Variants in COG8 observed in about 807,000 individuals in gnomAD.
The protein encoded by COG8 is conserved oligomeric Golgi complex subunit 8.
Under a neutral mutation model 46.5 loss-of-function variants are expected in COG8, and 45 were observed. That is an observed-to-expected ratio of 0.97 (90% confidence interval 0.76 to 1.24). The LOEUF (loss-of-function observed/expected upper bound fraction) is 1.24. COG8 is among the 50% of genes most tolerant of loss of function. The probability of loss-of-function intolerance (pLI) is 0.00; values close to 1 mark genes in which losing one functional copy is unlikely to be tolerated. For missense variants in COG8, 793 were observed against 820.8 expected (o/e 0.97, Z 0.41); for synonymous variants, 407 against 347.8 (o/e 1.17, Z -1.90).
chr16:69,335,298 C>T lies in COG8; in HGVS notation c.636G>A (p.Leu212=). ...RQSMQLMLSQ[L]IQQLRTNIQL... is the part of the protein sequence containing the mutation. ...GGATGTTGGTCCTCAGTTGCTGGAT[C>T]AGCTGGCTCAGCATCAGCTGCATGG... Residue 212 remains leucine (L), a synonymous_variant, in exon 3 of 6, where the codon CTG becomes CTA. Transcript: ENST00000306875. The T allele has an allele frequency of 6.2e-7, 1 of 1,610,922 alleles. No individual in the cohort carries two copies. Among genetic ancestry groups the T allele is most frequent in the Non-Finnish European group, 8.5e-7 (1 of 1,179,524 alleles).
Position 69,339,252 on chromosome 16 carries a change from G to A in COG8, c.301C>T (p.His101Tyr), listed in dbSNP as rs756093570. 1.9e-6 allele frequency: 3 copies of A among 1,612,708 alleles called. No individual in the cohort carries two copies. Among genetic ancestry groups the A allele is most frequent in the Non-Finnish European group, 1.7e-6 (2 of 1,179,806 alleles). Residue 101 changes from histidine (H) to tyrosine (Y), a missense_variant, in exon 1 of 6, where the codon CAC becomes TAC. Coordinates refer to ENST00000306875, the MANE Select transcript of COG8 (RefSeq NM_032382.5). ...IRGAECTERI[H>Y]RLFGDVEASL... Reference sequence around the variant, plus strand: ...GCCTCCACGTCGCCAAACAGGCGGTGGATGCGCTCGGTGCACTCGGCGCCG... The same window carrying A: ...GCCTCCACGTCGCCAAACAGGCGGTAGATGCGCTCGGTGCACTCGGCGCCG...
chr16:69,333,858 AAG>A (rs2012036494), intron 3 of COG8, among the ~76,000 whole-genome samples: 1 of 152,240 alleles, frequency 6.6e-6, no homozygotes, highest in Non-Finnish European at 1.5e-5. Context: ...ATAAAAATAA[AAG>A]AATATGCTAA....
chr16:69,334,430 C>T (rs903450063), intron 3 of COG8, 91 bp downstream of exon 3: 32 of 1,126,644 alleles, frequency 2.8e-5, no homozygotes, highest in Non-Finnish European at 4.0e-5. Flanking sequence ...TGTCAGCAGA[C>T]ACCGTCAAAT....
intron 3 of COG8, 66 bp downstream of exon 3, chr16:69,334,455 C>T: frequency 7.1e-7 from 1 of 1,401,582 alleles, no homozygotes; most frequent in Admixed American, 1.8e-5. Context: ...GGGTTTATTA[C>T]AAAAATCTGG....
intron 5 of COG8, chr16:69,330,103 G>C (rs143789731): frequency 1.3e-6 from 2 of 1,582,766 alleles, no homozygotes; most frequent in Non-Finnish European, 1.7e-6. Flanking sequence ...CTCGCAGGCT[G>C]GGGTTCACGA....
At chr16:69,331,188 C>A in intron 4 of COG8, 93 bp from the exon 5 acceptor site, 1 of 1,420,522 alleles carries the variant, frequency 7.0e-7, no homozygotes, top group East Asian at 2.4e-5. Context: ...TGGCTCACGC[C>A]TGTAATCCCA....
At chr16:69,339,105 T>C in intron 1 of COG8, 71 bp downstream of exon 1, 1 of 1,604,608 alleles carries the variant, frequency 6.2e-7, no homozygotes, top group Non-Finnish European at 8.5e-7. Context: ...CTTTATGTGT[T>C]AGTTATTTCT....
Position 69,328,480 on chromosome 16 carries a change from G to A in COG8, c.*726C>T, listed in dbSNP as rs543444807. On this transcript the variant is annotated 3_prime_UTR_variant, in exon 6 of 6. Coordinates refer to ENST00000306875, the MANE Select transcript of COG8 (RefSeq NM_032382.5). ...CAGCAGCAAAATCCTGCCCAAGGCTGTTAAAATGTGTGGGCACTCATTTAC... is the reference window on the plus strand; with the variant it reads ...CAGCAGCAAAATCCTGCCCAAGGCTATTAAAATGTGTGGGCACTCATTTAC... 1.3e-5 allele frequency: 2 copies of A among 154,596 alleles called. No individual in the cohort carries two copies. The highest frequency in any genetic ancestry group is 1.9e-4 in the South Asian group (1 of 5,136). 9.6% of individuals were successfully genotyped at this position (154,596 alleles called of 1,614,324 possible).
At position 69,329,296 on chromosome 16, in the gene COG8, G is replaced by A. The variant is rs150241567; in HGVS notation, c.*27-117C>T. Reference sequence around the variant, plus strand: ...CATTGACAAGAGGCAACAGCAGATGGCAAATGTAGACAGCAGCTCCTCTTC... The same window carrying A: ...CATTGACAAGAGGCAACAGCAGATGACAAATGTAGACAGCAGCTCCTCTTC... On this transcript the variant is annotated intron_variant, in intron 5 of 5. Coordinates refer to ENST00000306875, the MANE Select transcript of COG8 (RefSeq NM_032382.5). 1.3e-4 allele frequency: 147 copies of A among 1,094,858 alleles called. 1 individual carries two copies. The East Asian group carries it at 2.6e-3, about 19-fold the overall frequency. The allele number at this position is 1,094,858 out of a possible 1,614,324, so 67.8% of individuals were successfully genotyped here.
At chr16:69,337,318 A>C (rs939660133) in intron 1 of COG8, among the ~76,000 whole-genome samples, 1 of 151,990 alleles carries the variant, frequency 6.6e-6, no homozygotes, top group African/African-American at 2.4e-5. Context: ...GACCCTCCTC[A>C]TAAGGGTGTA....
intron 1 of COG8, chr16:69,338,134 T>TGGAACAATCATGGCTCACTGCAGC (rs1261387452): frequency 1.3e-5 from 2 of 152,616 alleles, no homozygotes; most frequent in Admixed American, 1.3e-4. Flanking sequence ...TGGAGTGCGG[T>TGGAACAATCATGGCTCACTGCAGC]GGCACAATCA....
intron 4 of COG8, among the ~76,000 whole-genome samples, chr16:69,332,326 G>C (rs1254634793): frequency 6.6e-6 from 1 of 151,836 alleles, no homozygotes; most frequent in Non-Finnish European, 1.5e-5. Context: ...CTCCAGCCTG[G>C]CAACACAGCG....
chr16:69,327,709 C>G lies in COG8; in HGVS notation c.*1497G>C, dbSNP rs1965643055. 2 of 152,012 alleles carry G rather than the reference C, an allele frequency of 1.3e-5. No homozygotes were observed. Among genetic ancestry groups the G allele is most frequent in the African/African-American group, 2.4e-5 (1 of 41,364 alleles). The allele number at this position is 152,012 out of a possible 1,614,324, so 9.4% of individuals were successfully genotyped here. On this transcript the variant is annotated 3_prime_UTR_variant, in exon 6 of 6. Coordinates refer to ENST00000306875, the MANE Select transcript of COG8 (RefSeq NM_032382.5). The stretch of plus-strand genomic sequence containing the variant: ...AACTCAGCATAAAAATGAGGTGAAA[C>G]AGTTTAACTAAAACTGGAGTTTGGC...
Position 69,328,913 on chromosome 16 carries a change from T to C in COG8, c.*293A>G. On this transcript the variant is annotated 3_prime_UTR_variant, in exon 6 of 6. Coordinates refer to ENST00000306875, the MANE Select transcript of COG8 (RefSeq NM_032382.5). ...TCTGCCATGCCTTGGCAATCCAGTT[T>C]CCTGTCATATGCGAGCCATCCAAGT... 7.1e-7 allele frequency: 1 copy of C among 1,406,274 alleles called. No homozygotes were observed. The highest frequency in any genetic ancestry group is 9.6e-7 in the Non-Finnish European group (1 of 1,045,296). The allele number at this position is 1,406,274 out of a possible 1,614,324, so 87.1% of individuals were successfully genotyped here. A position where few individuals can be genotyped will look rare whatever the true frequency, so the allele number is the denominator to read the frequency against.
chr16:69,336,856 A>G (rs2012236399), intron 1 of COG8, 144 bp from the exon 2 acceptor site: 3 of 758,780 alleles, frequency 4.0e-6, no homozygotes, highest in Non-Finnish European at 6.7e-6. Flanking sequence ...AAGTATTATT[A>G]CAATTGAGGA....
chr16:69,338,992 CAA>C, intron 1 of COG8, 182 bp downstream of exon 1: 3 of 851,506 alleles, frequency 3.5e-6, no homozygotes, highest in Non-Finnish European at 5.3e-6. Context: ...GACTCCGTCT[CAA>C]AAAAGATAAA....
chr16:69,339,328 C>T lies in COG8; in HGVS notation c.225G>A (p.Leu75=), dbSNP rs764167464. Residue 75 remains leucine (L), a synonymous_variant, in exon 1 of 6, where the codon CTG becomes CTA. Coordinates refer to ENST00000306875, the MANE Select transcript of COG8 (RefSeq NM_032382.5). ...PERLAEERAQ[L]LQQTRDLAFA... Reference sequence around the variant, plus strand: ...AGGCCAAGTCGCGCGTCTGCTGCAGCAGCTGCGCCCGCTCCTCCGCCAGGC... The same window carrying T: ...AGGCCAAGTCGCGCGTCTGCTGCAGTAGCTGCGCCCGCTCCTCCGCCAGGC... 6.2e-7 allele frequency: 1 copy of T among 1,607,702 alleles called. No individual in the cohort carries two copies. Among genetic ancestry groups the T allele is most frequent in the South Asian group, 1.1e-5 (1 of 90,832 alleles).
Position 69,330,831 on chromosome 16 carries a change from G to T in COG8, c.*8C>A. The T allele has an allele frequency of 1.3e-6, 2 of 1,533,882 alleles. 1 individual carries two copies. Among genetic ancestry groups the T allele is most frequent in the South Asian group, 2.4e-5 (2 of 83,412 alleles). On this transcript the variant is annotated 3_prime_UTR_variant, in exon 5 of 6. Coordinates refer to ENST00000306875, the MANE Select transcript of COG8 (RefSeq NM_032382.5). ...CACGCACCGCGTTCTGGAGGCAGGGGACGCCGGCTAGGGCCCCACGCTGGG... is the reference window on the plus strand; with the variant it reads ...CACGCACCGCGTTCTGGAGGCAGGGTACGCCGGCTAGGGCCCCACGCTGGG...
Position 69,337,734 on chromosome 16 carries a change from CT to C in COG8, c.378-1023del, listed in dbSNP as rs879881954. Among the ~76,000 whole-genome samples the C allele has an allele frequency of 2.9e-3, 419 of 142,580 alleles. 3 individuals carry two copies. In the South Asian group the frequency reaches 0.039, roughly 13 times the overall value. The allele number at this position is 142,580 out of a possible 152,430, so 93.5% of individuals were successfully genotyped here. On this transcript the variant is annotated intron_variant, in intron 1 of 5. Coordinates refer to ENST00000306875, the MANE Select transcript of COG8 (RefSeq NM_032382.5). ...GAGACAGAATATGACTCACAAAGGA[CT>C]TTTTTTTTTTTTTTTGAGACGGAGT...
Sources: allele counts gnomAD v4.1 joint callset (sites outside exome capture counted in the v4.1 genomes callset), GRCh38; gene constraint gnomAD v4.1.1; transcripts MANE v1.5; gene names NCBI Gene and HGNC (gene_info 2026-07-23, HGNC 2026-07-21).